Variants in PTPRD observed in about 807,000 individuals in gnomAD.
PTPRD encodes the protein receptor-type tyrosine-protein phosphatase delta.
Under a neutral mutation model 214.5 loss-of-function variants are expected in PTPRD, and 34 were observed. That is an observed-to-expected ratio of 0.16 (90% CI 0.12 to 0.21). The LOEUF is 0.21. Among genes scored for constraint, PTPRD ranks in the 10% least tolerant of loss-of-function variants. The probability of loss-of-function intolerance (pLI) is 1.00; values close to 1 mark genes in which losing one functional copy is unlikely to be tolerated. For synonymous variants in PTPRD, 1,128 were observed against 845.7 expected (o/e 1.33, Z -5.79); for missense variants, 2,545 against 2,398.7 (o/e 1.06, Z -1.27).
intron 11 of PTPRD, among the ~76,000 whole-genome samples, chr9:8,943,939 G>A (rs2099048779): frequency 2.6e-5 from 4 of 151,866 alleles, no homozygotes; most frequent in Admixed American, 2.6e-4. Flanking sequence ...ACAGCAAAGG[G>A]AACAATCAAC....
intron 3 of PTPRD, among the ~76,000 whole-genome samples, chr9:10,060,224 A>G (rs1207316086): frequency 6.6e-6 from 1 of 152,070 alleles, no homozygotes; most frequent in Non-Finnish European, 1.5e-5. Flanking sequence ...AATTTCATAT[A>G]TGCGTTATAA....
rs114157164 is a variant in PTPRD at position 9,117,279 on chromosome 9, G to A, written c.-143+66025C>T. Among the ~76,000 whole-genome samples, 365 of 147,804 alleles carry A rather than the reference G, an allele frequency of 2.5e-3. 1 individual carries two copies. The highest frequency in any genetic ancestry group is 8.8e-3 in the African/African-American group (350 of 39,552). On this transcript the variant is annotated intron_variant, in intron 10 of 45. Coordinates refer to ENST00000381196, the MANE Select transcript of PTPRD (RefSeq NM_002839.4). The stretch of plus-strand genomic sequence containing the variant: ...TAACTTATACCCAAGTAATTAATTC[G>A]TGAGTACAAAAGCACTGTTAGATTT...
chr9:10,139,548 C>G (rs991110474), intron 3 of PTPRD, among the ~76,000 whole-genome samples: 10 of 151,730 alleles, frequency 6.6e-5, no homozygotes, highest in African/African-American at 2.4e-4. Context: ...CATATGGAAC[C>G]AAAATAAAAA....
intron 3 of PTPRD, among the ~76,000 whole-genome samples, chr9:10,338,098 C>T (rs963867202): frequency 2.7e-4 from 41 of 151,468 alleles, no homozygotes; most frequent in African/African-American, 9.4e-4. Flanking sequence ...AGTCCAAAGA[C>T]CAACTGAAAA....
chr9:10,330,614 T>C (rs569949477), intron 3 of PTPRD, among the ~76,000 whole-genome samples: 7 of 151,800 alleles, frequency 4.6e-5, no homozygotes, highest in Non-Finnish European at 1.0e-4. Flanking sequence ...ACATTTTCCA[T>C]AAATTCATTC....
At chr9:8,419,159 C>T (rs1348840182) in intron 35 of PTPRD, among the ~76,000 whole-genome samples, 1 of 149,784 alleles carries the variant, frequency 6.7e-6, no homozygotes, top group Non-Finnish European at 1.5e-5. Context: ...AGTTCAATGT[C>T]GCAGTGAGCT....
At chr9:8,346,622 T>C (rs1269080271) in intron 39 of PTPRD, among the ~76,000 whole-genome samples, 1 of 152,148 alleles carries the variant, frequency 6.6e-6, no homozygotes, top group Non-Finnish European at 1.5e-5. Context: ...AGTCACTTAG[T>C]AGCCATCTCG....
At chr9:8,327,347 T>C (rs199622184) in intron 44 of PTPRD, among the ~76,000 whole-genome samples, 2 of 65,990 alleles carry the variant, frequency 3.0e-5, no homozygotes, top group Non-Finnish European at 5.1e-5. Flanking sequence ...TTTTGAGTGG[T>C]TTTTTTTTTT....
chr9:10,215,791 A>T (rs1380940051), intron 3 of PTPRD, among the ~76,000 whole-genome samples: 1 of 152,056 alleles, frequency 6.6e-6, no homozygotes, highest in African/African-American at 2.4e-5. Context: ...TACTTGTTTA[A>T]TACAATGTAT....
chr9:10,283,343 A>C (rs1192574690), intron 3 of PTPRD, among the ~76,000 whole-genome samples: 1 of 152,164 alleles, frequency 6.6e-6, no homozygotes, highest in African/African-American at 2.4e-5. Flanking sequence ...ATATATCTTC[A>C]CCATTAGAAT....
At chr9:8,690,507 C>T (rs113356767) in intron 12 of PTPRD, among the ~76,000 whole-genome samples, 47 of 141,882 alleles carry the variant, frequency 3.3e-4, no homozygotes, top group African/African-American at 1.2e-3. Flanking sequence ...CCAGTCTGGG[C>T]GACAGAGCAA....
At chr9:8,610,153 CATCATT>C (rs1166279480) in intron 14 of PTPRD, among the ~76,000 whole-genome samples, 2 of 143,490 alleles carry the variant, frequency 1.4e-5, no homozygotes, top group African/African-American at 3.0e-5. Flanking sequence ...TCTTTATCAT[CATCATT>C]ATTATTTGTT....
intron 9 of PTPRD, among the ~76,000 whole-genome samples, chr9:9,226,801 G>C (rs983396102): frequency 7.9e-5 from 12 of 151,940 alleles, no homozygotes; most frequent in Admixed American, 6.6e-5. Flanking sequence ...ACTTAACATG[G>C]ATATCATATA....
At chr9:8,518,574 G>A (rs988846129) in intron 20 of PTPRD, 145 bp from the exon 21 acceptor site, 1 of 624,638 alleles carries the variant, frequency 1.6e-6, no homozygotes, top group Non-Finnish European at 2.6e-6. Flanking sequence ...GTAGTTTTCT[G>A]AATGGCCAAG....
rs536882431 is a variant in PTPRD, at chr9:8,478,161, C to T, written c.3413+5958G>A. Among the ~76,000 whole-genome samples the T allele has an allele frequency of 5.3e-5, 8 of 152,264 alleles. No individual in the cohort carries two copies. In the East Asian group the frequency reaches 1.5e-3, roughly 29 times the overall value. On this transcript the variant is annotated intron_variant, in intron 30 of 45. Coordinates refer to ENST00000381196, the MANE Select transcript of PTPRD (RefSeq NM_002839.4). Reference sequence around the variant, plus strand: ...TGTAAATTAGAGGAAGAATACCTACCTCACAGGGTTATTGTGAGTCTTAAA... The same window carrying T: ...TGTAAATTAGAGGAAGAATACCTACTTCACAGGGTTATTGTGAGTCTTAAA...
At chr9:9,741,459 T>TAA (rs1564903990) in intron 6 of PTPRD, among the ~76,000 whole-genome samples, 37 of 151,912 alleles carry the variant, frequency 2.4e-4, no homozygotes, top group South Asian at 1.0e-3. Context: ...CTTTTTTTTT[T>TAA]AAATTATGAT....
At chr9:8,727,452 G>A (rs2098597455) in intron 12 of PTPRD, among the ~76,000 whole-genome samples, 1 of 152,122 alleles carries the variant, frequency 6.6e-6, no homozygotes, top group Non-Finnish European at 1.5e-5. Context: ...AGTGAGGGGA[G>A]GAAGGAAGAG....
intron 3 of PTPRD, among the ~76,000 whole-genome samples, chr9:10,145,002 C>A (rs1366370685): frequency 6.6e-6 from 1 of 151,902 alleles, no homozygotes; most frequent in Non-Finnish European, 1.5e-5. Context: ...AAGTCTCCTC[C>A]TTTATCAGGA....
At position 8,382,987 on chromosome 9, in the gene PTPRD, G is replaced by C. The variant is rs185486659; in HGVS notation, c.4386+6245C>G. Among the ~76,000 whole-genome samples the C allele has an allele frequency of 4.6e-3, 694 of 152,228 alleles. 5 individuals are homozygous for C. The highest frequency in any genetic ancestry group is 0.016 in the African/African-American group (666 of 41,546). ...TTACCGAACCTTGACAAACCAGAAG[G>C]GCCAAGAATTAGTCTGCCACTGGCC... On this transcript the variant is annotated intron_variant, in intron 37 of 45. Transcript: ENST00000381196.
Sources: allele counts gnomAD v4.1 joint callset (sites outside exome capture counted in the v4.1 genomes callset), GRCh38; gene constraint gnomAD v4.1.1; transcripts MANE v1.5; gene names NCBI Gene and HGNC (gene_info 2026-07-23, HGNC 2026-07-21).